CDYL2: variants seen among roughly 807,000 people sequenced by gnomAD.
The protein encoded by CDYL2 is chromodomain Y-like protein 2.
CDYL2 carries 23 observed loss-of-function variants against 49.4 expected under a neutral mutation model. The ratio of observed to expected loss-of-function variants is 0.47; its 90% CI spans 0.34 to 0.66. The LOEUF (loss-of-function observed/expected upper bound fraction) is 0.66. Among genes scored for constraint, CDYL2 ranks in the 30% least tolerant of loss-of-function variants. The pLI is 0.01. For synonymous variants in CDYL2, 360 were observed against 268.8 expected (o/e 1.34, Z -3.32); for missense variants, 678 against 656.4 (o/e 1.03, Z -0.36).
At chr16:80,616,989 G>C (rs1194389966) in intron 4 of CDYL2, among the ~76,000 whole-genome samples, 1 of 152,140 alleles carries the variant, frequency 6.6e-6, no homozygotes, top group Non-Finnish European at 1.5e-5. Context: ...CTGCTTCCAG[G>C]GGCCATGTGG....
chr16:80,740,327 G>A (rs148048172), intron 1 of CDYL2, among the ~76,000 whole-genome samples: 2 of 152,112 alleles, frequency 1.3e-5, no homozygotes, highest in Non-Finnish European at 2.9e-5. Flanking sequence ...CGGTGGAGGA[G>A]GTTGTGAAGT....
chr16:80,638,882 G>A (rs1420140506), intron 2 of CDYL2, among the ~76,000 whole-genome samples: 3 of 152,130 alleles, frequency 2.0e-5, no homozygotes, highest in Non-Finnish European at 4.4e-5. Context: ...AAAGCTCCTA[G>A]AGGATAGTAC....
At chr16:80,676,523 T>A (rs1273012673) in intron 2 of CDYL2, among the ~76,000 whole-genome samples, 2 of 152,174 alleles carry the variant, frequency 1.3e-5, no homozygotes, top group African/African-American at 4.8e-5. Flanking sequence ...GGGCCTCTTC[T>A]GGGACAAGCT....
At chr16:80,673,875 G>T (rs1012528694) in intron 2 of CDYL2, among the ~76,000 whole-genome samples, 3 of 152,180 alleles carry the variant, frequency 2.0e-5, no homozygotes, top group African/African-American at 7.2e-5. Context: ...AGGGAGGCAG[G>T]GGGCTTGGAG....
In CDYL2 at chr16:80,804,562, C is replaced by T. The variant is rs1766222461; in HGVS notation, c.-389G>A. ...CCCCGGCGCCGCCTGCAGGAAGCCG[C>T]CCGGCGCCCGCCGCCGGCCCGGACG... On this transcript the variant is annotated 5_prime_UTR_variant, in exon 1 of 7. Coordinates refer to ENST00000570137, the MANE Select transcript of CDYL2 (RefSeq NM_152342.4). 6.9e-6 allele frequency among the ~76,000 whole-genome samples: 1 copy of T among 144,638 alleles called. No individual in the cohort carries two copies. The highest frequency in any genetic ancestry group is 2.5e-5 in the African/African-American group (1 of 40,480). The allele number at this position is 144,638 out of a possible 152,430, so 94.9% of individuals were successfully genotyped here.
chr16:80,636,004 T>C (rs1315790797), intron 2 of CDYL2, among the ~76,000 whole-genome samples: 1 of 152,184 alleles, frequency 6.6e-6, no homozygotes, highest in Non-Finnish European at 1.5e-5. Context: ...GAAAACCAGC[T>C]AGCCATATGC....
At chr16:80,604,573 A>C in intron 6 of CDYL2, 27 bp from the exon 7 acceptor site, 4 of 1,613,456 alleles carry the variant, frequency 2.5e-6, no homozygotes, top group African/African-American at 1.3e-5. Context: ...AGGCCTGATT[A>C]GCCGGGCACC....
intron 2 of CDYL2, among the ~76,000 whole-genome samples, chr16:80,672,303 T>C (rs1264504314): frequency 7.1e-6 from 1 of 140,232 alleles, no homozygotes. Flanking sequence ...ATACAAGTGT[T>C]TTCATACAAA....
chr16:80,759,815 T>G (rs990283921), intron 1 of CDYL2, among the ~76,000 whole-genome samples: 2 of 152,156 alleles, frequency 1.3e-5, no homozygotes, highest in African/African-American at 4.8e-5. Flanking sequence ...AAAGATTCCC[T>G]AAGACCAGGA....
At chr16:80,740,338 G>A (rs1905691257) in intron 1 of CDYL2, among the ~76,000 whole-genome samples, 1 of 152,094 alleles carries the variant, frequency 6.6e-6, no homozygotes, top group Non-Finnish European at 1.5e-5. Context: ...GTTGTGAAGT[G>A]AGTATAGAAA....
intron 1 of CDYL2, among the ~76,000 whole-genome samples, chr16:80,767,658 AGC>A (rs1471615284): frequency 6.6e-6 from 1 of 152,214 alleles, no homozygotes; most frequent in African/African-American, 2.4e-5. Flanking sequence ...AGAAGGTGGA[AGC>A]GGCCAAGGCT....
intron 2 of CDYL2, chr16:80,639,711 A>G (rs1445304570): frequency 2.2e-6 from 1 of 456,062 alleles, no homozygotes; most frequent in Admixed American, 2.3e-5. Flanking sequence ...GAAGCACCGA[A>G]GAGGTAAGAA....
chr16:80,660,068 T>C (rs894337297), intron 2 of CDYL2, among the ~76,000 whole-genome samples: 3 of 151,916 alleles, frequency 2.0e-5, no homozygotes, highest in Non-Finnish European at 4.4e-5. Context: ...ACAAAATAAC[T>C]GTCAACCAAT....
At chr16:80,756,848 A>G (rs1439474552) in intron 1 of CDYL2, among the ~76,000 whole-genome samples, 1 of 145,628 alleles carries the variant, frequency 6.9e-6, no homozygotes, top group East Asian at 2.0e-4. Flanking sequence ...TAGCATTATC[A>G]TCGTATAAAT....
rs1906116447 is a variant in CDYL2, at chr16:80,602,149, T to C, written c.*2239A>G. 1 of 152,184 alleles carries C rather than the reference T, an allele frequency of 6.6e-6. No homozygotes were observed. The highest frequency in any genetic ancestry group is 1.5e-5 in the Non-Finnish European group (1 of 68,032). The allele number at this position is 152,184 out of a possible 1,614,324, so 9.4% of individuals were successfully genotyped here. ...CCACAATATGTAAGAACCAGGGTCA[T>C]CTAAGGGTTTTGGAAAGCTCACATT... On this transcript the variant is annotated 3_prime_UTR_variant, in exon 7 of 7. Coordinates refer to ENST00000570137, the MANE Select transcript of CDYL2 (RefSeq NM_152342.4).
intron 4 of CDYL2, among the ~76,000 whole-genome samples, chr16:80,618,816 T>C (rs370740547): frequency 2.6e-5 from 4 of 152,180 alleles, no homozygotes; most frequent in South Asian, 2.1e-4. Context: ...ATTGAGGACG[T>C]TGGGCAGAGG....
chr16:80,762,618 C>T (rs1286816815), intron 1 of CDYL2, among the ~76,000 whole-genome samples: 2 of 152,192 alleles, frequency 1.3e-5, no homozygotes, highest in Admixed American at 6.5e-5. Context: ...GTATTTCATA[C>T]CTGCTAATTC....
chr16:80,599,394 T>C lies in CDYL2; in HGVS notation c.*4994A>G, dbSNP rs1276595260. ...TTTAAGTCTAAATTCTAGTTGGTTT[T>C]ATTAAACCCCAAAAACAGTGGATAC... On this transcript the variant is annotated 3_prime_UTR_variant, in exon 7 of 7. Coordinates refer to ENST00000570137, the MANE Select transcript of CDYL2 (RefSeq NM_152342.4). The C allele has an allele frequency of 6.6e-6, 1 of 152,250 alleles. No homozygotes were observed. The highest frequency in any genetic ancestry group is 1.5e-5 in the Non-Finnish European group (1 of 68,042). The allele number at this position is 152,250 out of a possible 1,614,324, so 9.4% of individuals were successfully genotyped here.
chr16:80,688,528 G>T (rs1910288661), intron 1 of CDYL2, among the ~76,000 whole-genome samples: 1 of 152,124 alleles, frequency 6.6e-6, no homozygotes, highest in Non-Finnish European at 1.5e-5. Flanking sequence ...TATATACATT[G>T]TTTCACCCCC....
Sources: gnomAD v4.1 joint callset for allele counts (sites outside exome capture counted in the v4.1 genomes callset) on GRCh38, gnomAD v4.1.1 for gene constraint, MANE v1.5 for transcripts, NCBI Gene and HGNC (gene_info 2026-07-23, HGNC 2026-07-21) for gene names.